The following RARB variants were observed in gnomAD, a reference collection of about 807,000 sequenced individuals.
RARB encodes the protein HBV-activated protein.
In RARB, 17 loss-of-function variants were observed where a neutral mutation model predicts 51.9. The ratio of observed to expected loss-of-function variants is 0.33; its 90% confidence interval spans 0.22 to 0.49. The LOEUF (loss-of-function observed/expected upper bound fraction) is 0.49, where lower values mean the gene tolerates loss of function less well. Ranked by LOEUF, RARB falls within the 20% of genes least tolerant of loss-of-function variation. The pLI is 0.99. For synonymous variants in RARB, 215 were observed against 195.4 expected (o/e 1.10, Z -0.84); for missense variants, 369 against 550.8 (o/e 0.67, Z 3.30).
At chr3:25,022,030 T>C (rs1189512905) in intron 2 of RARB, among the ~76,000 whole-genome samples, 1 of 152,186 alleles carries the variant, frequency 6.6e-6, no homozygotes, top group East Asian at 1.9e-4. Context: ...GAGGCACTGA[T>C]GAAGCAATGA....
intron 5 of RARB, among the ~76,000 whole-genome samples, chr3:25,275,031 GT>G (rs1460987597): frequency 6.6e-6 from 1 of 152,136 alleles, no homozygotes; most frequent in Non-Finnish European, 1.5e-5. Flanking sequence ...CAAAAATACT[GT>G]TTTTTAAAAA....
At chr3:24,857,197 TCCTTACAGTC>T (rs1390660462) in intron 1 of RARB, among the ~76,000 whole-genome samples, 2 of 152,206 alleles carry the variant, frequency 1.3e-5, no homozygotes, top group Non-Finnish European at 2.9e-5. Flanking sequence ...TTAAAATTTC[TCCTTACAGTC>T]CCTTGCAACA....
At chr3:24,936,481 C>T (rs767694317) in intron 2 of RARB, among the ~76,000 whole-genome samples, 52 of 152,052 alleles carry the variant, frequency 3.4e-4, no homozygotes, top group African/African-American at 1.2e-3. Flanking sequence ...GAGTCTTAAC[C>T]GAGGCAGCTA....
intron 3 of RARB, among the ~76,000 whole-genome samples, chr3:25,106,968 T>A (rs896987943): frequency 2.0e-5 from 3 of 151,946 alleles, no homozygotes; most frequent in African/African-American, 7.3e-5. Context: ...TGGCACGATC[T>A]CAGCTCACTG....
intron 5 of RARB, among the ~76,000 whole-genome samples, chr3:25,247,848 A>G (rs1244024050): frequency 6.6e-6 from 1 of 152,234 alleles, no homozygotes; most frequent in Non-Finnish European, 1.5e-5. Context: ...GGGAATGTGT[A>G]TACTGTAGCT....
At chr3:25,007,550 G>T (rs1324765018) in intron 2 of RARB, among the ~76,000 whole-genome samples, 1 of 130,532 alleles carries the variant, frequency 7.7e-6, no homozygotes, top group African/African-American at 3.0e-5. Flanking sequence ...AGCTGAGATT[G>T]CGCCATTGCA....
chr3:25,229,417 T>C (rs1702126588), intron 5 of RARB, among the ~76,000 whole-genome samples: 1 of 152,158 alleles, frequency 6.6e-6, no homozygotes, highest in Non-Finnish European at 1.5e-5. Flanking sequence ...AAATTCTTTC[T>C]CAAATTGACG....
At chr3:25,374,572 C>G (rs540533423) in intron 5 of RARB, among the ~76,000 whole-genome samples, 22 of 152,178 alleles carry the variant, frequency 1.4e-4, no homozygotes, top group Non-Finnish European at 3.1e-4. Flanking sequence ...CCCTGCTGCT[C>G]CTAACTGGGA....
intron 2 of RARB, among the ~76,000 whole-genome samples, chr3:24,890,210 C>G (rs1459923502): frequency 6.6e-6 from 1 of 152,150 alleles, no homozygotes; most frequent in Non-Finnish European, 1.5e-5. Context: ...CTGGTGCTGT[C>G]TGTAGTGGTT....
At chr3:25,272,119 G>A (rs891345034) in intron 5 of RARB, among the ~76,000 whole-genome samples, 1 of 152,210 alleles carries the variant, frequency 6.6e-6, no homozygotes, top group African/African-American at 2.4e-5. Context: ...ATATTAGAAA[G>A]TATAGATATA....
intron 5 of RARB, among the ~76,000 whole-genome samples, chr3:25,206,229 G>T (rs1701542329): frequency 1.3e-5 from 2 of 152,130 alleles, no homozygotes; most frequent in African/African-American, 4.8e-5. Context: ...GGTTCTGGTT[G>T]CCCATGCAGT....
intron 5 of RARB, among the ~76,000 whole-genome samples, chr3:25,184,904 G>GA (rs1005866110): frequency 2.3e-4 from 33 of 145,572 alleles, no homozygotes; most frequent in African/African-American, 4.3e-4. Flanking sequence ...AAAAAAGAAA[G>GA]AAAAAAAAAA....
At chr3:25,225,984 AAC>A (rs1156874903) in intron 5 of RARB, among the ~76,000 whole-genome samples, 1 of 152,204 alleles carries the variant, frequency 6.6e-6, no homozygotes, top group Non-Finnish European at 1.5e-5. Context: ...GATATATAAT[AAC>A]AGTGATTGTT....
chr3:24,936,100 T>G (rs1176873570), intron 2 of RARB, among the ~76,000 whole-genome samples: 2 of 152,148 alleles, frequency 1.3e-5, no homozygotes, highest in African/African-American at 4.8e-5. Flanking sequence ...AGAATTATAT[T>G]CTAGAGATAC....
At chr3:25,008,763 T>C (rs1015851407) in intron 2 of RARB, among the ~76,000 whole-genome samples, 1 of 152,110 alleles carries the variant, frequency 6.6e-6, no homozygotes, top group African/African-American at 2.4e-5. Flanking sequence ...CCCTGCCTGA[T>C]TCACACATGT....
chr3:25,215,211 C>T (rs1701801183), intron 5 of RARB, among the ~76,000 whole-genome samples: 1 of 152,114 alleles, frequency 6.6e-6, no homozygotes, highest in Non-Finnish European at 1.5e-5. Context: ...TGAAAGGATT[C>T]CCAGGTGGTT....
chr3:25,187,703 G>T (rs556588431), intron 5 of RARB, among the ~76,000 whole-genome samples: 1 of 152,156 alleles, frequency 6.6e-6, no homozygotes, highest in East Asian at 1.9e-4. Flanking sequence ...TTCTGATGGT[G>T]TTCAGGCTAC....
intron 4 of RARB, among the ~76,000 whole-genome samples, chr3:25,139,303 C>T (rs1700076220): frequency 6.6e-6 from 1 of 152,138 alleles, no homozygotes. Flanking sequence ...GTCTCTTGCA[C>T]CAAACAGCCA....
At chr3:24,867,918 T>C (rs1217854665) in intron 2 of RARB, among the ~76,000 whole-genome samples, 2 of 152,282 alleles carry the variant, frequency 1.3e-5, no homozygotes, top group East Asian at 3.9e-4. Flanking sequence ...TCAAGTCGAC[T>C]GTGAAATGAT....
Sources: gnomAD v4.1 joint callset for allele counts (sites outside exome capture counted in the v4.1 genomes callset) on GRCh38, gnomAD v4.1.1 for gene constraint, MANE v1.5 for transcripts, NCBI Gene and HGNC (gene_info 2026-07-23, HGNC 2026-07-21) for gene names.